The following CYBRD1 variants were observed in gnomAD, a reference collection of about 807,000 sequenced individuals.
The protein encoded by CYBRD1 is plasma membrane ascorbate-dependent reductase CYBRD1.
Under a neutral mutation model 21.9 loss-of-function variants are expected in CYBRD1, and 14 were observed. That is an observed-to-expected ratio of 0.64 (90% CI 0.42 to 1.00). The LOEUF is 1.00. CYBRD1 is among the 50% of genes least tolerant of loss of function. CYBRD1 has a pLI of 0.00. For missense variants in CYBRD1, 328 were observed against 352.5 expected (o/e 0.93, Z 0.56); for synonymous variants, 146 against 136.5 (o/e 1.07, Z -0.48).
chr2:171,543,440 G>A lies in CYBRD1; in HGVS notation c.402+1647G>A, dbSNP rs955317500. Among the ~76,000 whole-genome samples, 8 of 152,036 alleles carry A rather than the reference G, an allele frequency of 5.3e-5. No homozygotes were observed. The East Asian group carries it at 9.6e-4, about 18-fold the overall frequency. ...CAGCAATGGACATCCAGTCCATCTCGCTGGCTTGGAAACTCTCTGACTTCT... is the reference window on the plus strand; with the variant it reads ...CAGCAATGGACATCCAGTCCATCTCACTGGCTTGGAAACTCTCTGACTTCT... On this transcript the variant is annotated intron_variant, in intron 2 of 3. Transcript: ENST00000321348.
Position 171,554,952 on chromosome 2 carries a change from G to T in CYBRD1, c.*125G>T. 23 of 1,064,264 alleles carry T rather than the reference G, an allele frequency of 2.2e-5. No individual in the cohort carries two copies. Among genetic ancestry groups the T allele is most frequent in the Non-Finnish European group, 3.1e-5 (22 of 718,020 alleles). The allele number at this position is 1,064,264 out of a possible 1,614,324, so 65.9% of individuals were successfully genotyped here. On this transcript the variant is annotated 3_prime_UTR_variant, in exon 4 of 4. Coordinates refer to ENST00000321348, the MANE Select transcript of CYBRD1 (RefSeq NM_024843.4). The stretch of plus-strand genomic sequence containing the variant: ...AATATTTACTTTAATCACAAAGGAT[G>T]GTTTCTTGAAATAATTTGTATTGAT...
intron 1 of CYBRD1, among the ~76,000 whole-genome samples, chr2:171,536,643 C>T (rs1697549903): frequency 6.6e-6 from 1 of 152,132 alleles, no homozygotes; most frequent in Non-Finnish European, 1.5e-5. Context: ...CCATGTTGGC[C>T]ATGCTAGTCT....
In CYBRD1 at chr2:171,549,364, A is replaced by G. The variant is rs1467731948; in HGVS notation, c.403-3982A>G. On this transcript the variant is annotated intron_variant, in intron 2 of 3. Transcript: ENST00000321348. ...CTCCCAAAGTGCTGGAATGGCAGAC[A>G]TGAGCCACTGTGCCCAGCCAACATG... Among the ~76,000 whole-genome samples the G allele has an allele frequency of 2.0e-5, 3 of 152,346 alleles. No individual in the cohort carries two copies. In the East Asian group the frequency reaches 5.8e-4, roughly 29 times the overall value.
At chr2:171,524,172 C>T (rs1417913782) in intron 1 of CYBRD1, among the ~76,000 whole-genome samples, 2 of 152,100 alleles carry the variant, frequency 1.3e-5, no homozygotes, top group Admixed American at 1.3e-4. Flanking sequence ...TCAAAGGCTT[C>T]CCTGGTGTGA....
chr2:171,542,872 C>A (rs933706013), intron 2 of CYBRD1, among the ~76,000 whole-genome samples: 1 of 151,894 alleles, frequency 6.6e-6, no homozygotes, highest in African/African-American at 2.4e-5. Flanking sequence ...CAGAGCCAGA[C>A]CCTGATCTCA....
intron 2 of CYBRD1, among the ~76,000 whole-genome samples, chr2:171,545,944 A>G (rs1285714548): frequency 6.6e-6 from 1 of 152,192 alleles, no homozygotes; most frequent in African/African-American, 2.4e-5. Context: ...AATGTAGTCA[A>G]TTATATAAAT....
intron 1 of CYBRD1, among the ~76,000 whole-genome samples, chr2:171,537,271 C>G (rs1697558941): frequency 1.3e-5 from 2 of 152,108 alleles, no homozygotes; most frequent in Admixed American, 1.3e-4. Context: ...ATTGCGTGAT[C>G]ACACACAGAT....
Position 171,538,533 on chromosome 2 carries a change from C to T in CYBRD1, c.194-3052C>T, listed in dbSNP as rs146314238. 9.0e-3 allele frequency among the ~76,000 whole-genome samples: 1,365 copies of T among 152,238 alleles called. 20 individuals are homozygous for T. Among genetic ancestry groups the T allele is most frequent in the African/African-American group, 0.028 (1,145 of 41,532 alleles). ...ACGTTCTCAAGGAAGTATAACCAAT[C>T]GACATTCATAGGATACCCATATACA... On this transcript the variant is annotated intron_variant, in intron 1 of 3. Transcript: ENST00000321348.
At chr2:171,535,495 G>A (rs902576804) in intron 1 of CYBRD1, among the ~76,000 whole-genome samples, 4 of 120,504 alleles carry the variant, frequency 3.3e-5, no homozygotes, top group African/African-American at 1.2e-4. Flanking sequence ...ACATTTCTCT[G>A]TGATGCTTCA....
At chr2:171,525,335 T>C (rs1697368956) in intron 1 of CYBRD1, among the ~76,000 whole-genome samples, 1 of 152,210 alleles carries the variant, frequency 6.6e-6, no homozygotes, top group Non-Finnish European at 1.5e-5. Flanking sequence ...ATCCTGGATG[T>C]GCAAATCACT....
Position 171,553,296 on chromosome 2 carries a change from A to G in CYBRD1, c.403-50A>G, listed in dbSNP as rs1417942829. 1.9e-6 allele frequency: 3 copies of G among 1,593,334 alleles called. No individual in the cohort carries two copies. The South Asian group carries it at 3.3e-5, about 18-fold the overall frequency. ...ATTGCTTTTTAAATAATTTAAAATTAGTTTAGAACTTAAAATTAAATGATA... is the reference window on the plus strand; with the variant it reads ...ATTGCTTTTTAAATAATTTAAAATTGGTTTAGAACTTAAAATTAAATGATA... On this transcript the variant is annotated intron_variant, in intron 2 of 3. Coordinates refer to ENST00000321348, the MANE Select transcript of CYBRD1 (RefSeq NM_024843.4).
At position 171,553,333 on chromosome 2, in the gene CYBRD1, T is replaced by G; in HGVS notation, c.403-13T>G. ...AAAATTAAATGATAACCTTTGCACT[T>G]TTTGGTGTTTAGCTTCTTTCAGGTT... is the stretch of plus-strand genomic sequence containing the variant. On this transcript the variant is annotated splice_polypyrimidine_tract_variant and intron_variant, in intron 2 of 3. Transcript: ENST00000321348. 1.2e-6 allele frequency: 2 copies of G among 1,613,196 alleles called. No homozygotes were observed. Among genetic ancestry groups the G allele is most frequent in the Non-Finnish European group, 1.7e-6 (2 of 1,179,426 alleles).
chr2:171,553,535 A>T, intron 3 of CYBRD1, 35 bp downstream of exon 3: 1 of 1,578,198 alleles, frequency 6.3e-7, no homozygotes, highest in Non-Finnish European at 8.6e-7. Context: ...GTAATACTTA[A>T]GCCACAAAAT....
chr2:171,544,643 C>T lies in CYBRD1; in HGVS notation c.402+2850C>T, dbSNP rs569459771. Among the ~76,000 whole-genome samples, 6 of 152,150 alleles carry T rather than the reference C, an allele frequency of 3.9e-5. No individual in the cohort carries two copies. The South Asian group carries it at 1.2e-3, about 32-fold the overall frequency. Reference sequence around the variant, plus strand: ...GATGTGATTCAACTTCATTTTTTTCCAGATGGGTAAACTATCTTCCCATCA... The same window carrying T: ...GATGTGATTCAACTTCATTTTTTTCTAGATGGGTAAACTATCTTCCCATCA... On this transcript the variant is annotated intron_variant, in intron 2 of 3. Transcript: ENST00000321348.
rs1211412867 is a variant in CYBRD1 at position 171,556,509 on chromosome 2, T to C, written c.*1682T>C. ...AATTTTAAACTGAAGCATTTTAATATGGGTAGAAACTCTACACCAAATACA... is the reference window on the plus strand; with the variant it reads ...AATTTTAAACTGAAGCATTTTAATACGGGTAGAAACTCTACACCAAATACA... On this transcript the variant is annotated 3_prime_UTR_variant, in exon 4 of 4. Transcript: ENST00000321348. 1 of 152,312 alleles carries C rather than the reference T, an allele frequency of 6.6e-6. No homozygotes were observed. Among genetic ancestry groups the C allele is most frequent in the African/African-American group, 2.4e-5 (1 of 41,578 alleles). The allele number at this position is 152,312 out of a possible 1,614,324, so 9.4% of individuals were successfully genotyped here.
In CYBRD1 at chr2:171,522,777, G is replaced by T; in HGVS notation, c.193+39G>T. Reference sequence around the variant, plus strand: ...CTGGGGGGGTGCGGGGAGGAAAGCGGGGAGAACGGCGGGGGCAGAGGGTCC... The same window carrying T: ...CTGGGGGGGTGCGGGGAGGAAAGCGTGGAGAACGGCGGGGGCAGAGGGTCC... On this transcript the variant is annotated intron_variant, in intron 1 of 3. Coordinates refer to ENST00000321348, the MANE Select transcript of CYBRD1 (RefSeq NM_024843.4). The surrounding 1 kb of genome is among the most constrained non-coding windows in gnomAD (Gnocchi z 4.3). 6.8e-6 allele frequency: 11 copies of T among 1,612,134 alleles called. No individual in the cohort carries two copies. The highest frequency in any genetic ancestry group is 9.3e-6 in the Non-Finnish European group (11 of 1,179,326).
intron 2 of CYBRD1, among the ~76,000 whole-genome samples, chr2:171,552,786 C>T (rs1683401457): frequency 1.3e-5 from 2 of 152,318 alleles, no homozygotes; most frequent in South Asian, 4.2e-4. Context: ...ATTTCTTTCT[C>T]ATAAAACAAA....
chr2:171,558,034 AT>A lies in CYBRD1; in HGVS notation c.*3208del, dbSNP rs1683518787. On this transcript the variant is annotated 3_prime_UTR_variant, in exon 4 of 4. Coordinates refer to ENST00000321348, the MANE Select transcript of CYBRD1 (RefSeq NM_024843.4). Reference sequence around the variant, plus strand: ...TTATCTTAGCGCATTTATGGAAAAAATATTAACTATCCTGAATATTTTATAA... The same window carrying A: ...TTATCTTAGCGCATTTATGGAAAAAAATTAACTATCCTGAATATTTTATAA... 1 of 152,026 alleles carries A rather than the reference AT, an allele frequency of 6.6e-6. No individual in the cohort carries two copies. Among genetic ancestry groups the A allele is most frequent in the African/African-American group, 2.4e-5 (1 of 41,432 alleles). 9.4% of individuals were successfully genotyped at this position (152,026 alleles called of 1,614,324 possible).
chr2:171,536,807 G>A (rs1697552521), intron 1 of CYBRD1, among the ~76,000 whole-genome samples: 1 of 152,178 alleles, frequency 6.6e-6, no homozygotes. Flanking sequence ...CCAGATTGGG[G>A]AGAAAATGCT....
Sources: allele counts gnomAD v4.1 joint callset (sites outside exome capture counted in the v4.1 genomes callset), GRCh38; gene constraint gnomAD v4.1.1; non-coding constraint Gnocchi (gnomAD v3.1); transcripts MANE v1.5; gene names NCBI Gene and HGNC (gene_info 2026-07-23, HGNC 2026-07-21).